The following PDE2A variants were observed in gnomAD, a reference collection of about 807,000 sequenced individuals.
PDE2A encodes the protein phosphodiesterase 2A, also known as cGMP-dependent 3',5'-cyclic phosphodiesterase.
PDE2A carries 53 observed loss-of-function variants against 133.6 expected under a neutral mutation model. The ratio of observed to expected loss-of-function variants is 0.40; its 90% CI spans 0.32 to 0.50. The LOEUF (loss-of-function observed/expected upper bound fraction) is 0.50. Ranked by LOEUF, PDE2A falls within the 20% of genes least tolerant of loss-of-function variation. PDE2A has a pLI of 0.73. For synonymous variants in PDE2A, 491 were observed against 490.2 expected (o/e 1.00, Z -0.02); for missense variants, 796 against 1,232.4 (o/e 0.65, Z 5.30).
chr11:72,659,765 C>T (rs1328904747), intron 1 of PDE2A, among the ~76,000 whole-genome samples: 1 of 152,126 alleles, frequency 6.6e-6, no homozygotes, highest in African/African-American at 2.4e-5. Flanking sequence ...CCACAGGGCA[C>T]ACCTGGTCAA....
chr11:72,652,326 G>A (rs1420493658), intron 1 of PDE2A, among the ~76,000 whole-genome samples: 1 of 152,136 alleles, frequency 6.6e-6, no homozygotes, highest in Non-Finnish European at 1.5e-5. Flanking sequence ...TGCCCAGGCT[G>A]ATCTGGAACT....
intron 2 of PDE2A, among the ~76,000 whole-genome samples, chr11:72,616,907 C>T (rs1591077192): frequency 6.6e-6 from 1 of 152,200 alleles, no homozygotes; most frequent in African/African-American, 2.4e-5. Flanking sequence ...CTGAGAATTC[C>T]CAGGGACCAG....
intron 2 of PDE2A, among the ~76,000 whole-genome samples, chr11:72,638,512 C>T (rs1219649271): frequency 2.0e-5 from 3 of 152,262 alleles, no homozygotes; most frequent in Admixed American, 6.5e-5. Context: ...CAGAACCAGG[C>T]GCCCCAGACT....
chr11:72,586,753 G>T (rs981598966), intron 13 of PDE2A, among the ~76,000 whole-genome samples: 1 of 152,216 alleles, frequency 6.6e-6, no homozygotes, highest in Non-Finnish European at 1.5e-5. Context: ...GCTGCATGGG[G>T]CTGGGTGGAC....
At chr11:72,589,855 C>T (rs1276692394) in intron 10 of PDE2A, 52 bp downstream of exon 10, 20 of 1,608,364 alleles carry the variant, frequency 1.2e-5, no homozygotes, top group Non-Finnish European at 1.7e-5. Context: ...CTCGGAGACC[C>T]GAGTTCCTCG....
At chr11:72,652,499 C>G (rs1450483517) in intron 1 of PDE2A, 10 of 455,392 alleles carry the variant, frequency 2.2e-5, no homozygotes, top group Non-Finnish European at 4.0e-5. Flanking sequence ...GCATGCCAGC[C>G]TCCACCCCTT....
Position 72,589,879 on chromosome 11 carries a change from C to G in PDE2A, c.831+28G>C, listed in dbSNP as rs1458888812. The G allele has an allele frequency of 3.7e-6, 6 of 1,610,114 alleles. No individual in the cohort carries two copies. The African/African-American group carries it at 8.0e-5, about 22-fold the overall frequency. The stretch of plus-strand genomic sequence containing the variant: ...CCGAGTTCCTCGCCCAGCCCCGCCC[C>G]CGCTCTACAGTGGACCTGGGCCCTC... On this transcript the variant is annotated intron_variant, in intron 10 of 30. Transcript: ENST00000334456.
At chr11:72,649,641 T>C (rs2135446532) in intron 1 of PDE2A, among the ~76,000 whole-genome samples, 1 of 152,294 alleles carries the variant, frequency 6.6e-6, no homozygotes, top group South Asian at 2.1e-4. Flanking sequence ...CTCTGCCCCA[T>C]CTGAACCCCT....
At chr11:72,617,023 AG>A (rs1857508571) in intron 2 of PDE2A, among the ~76,000 whole-genome samples, 1 of 152,234 alleles carries the variant, frequency 6.6e-6, no homozygotes, top group Non-Finnish European at 1.5e-5. Context: ...ATCTGGAGCC[AG>A]GAGACCCATG....
chr11:72,599,136 C>A, intron 4 of PDE2A: 2 of 531,078 alleles, frequency 3.8e-6, no homozygotes, highest in Non-Finnish European at 4.8e-6. Flanking sequence ...CTGGTCAGTG[C>A]GCACTGCAGC....
intron 2 of PDE2A, chr11:72,636,027 C>T (rs1049931380): frequency 3.5e-5 from 45 of 1,270,898 alleles, no homozygotes; most frequent in Non-Finnish European, 4.5e-5. Context: ...CAGTGGCAGC[C>T]CCCAGTAGAG....
intron 2 of PDE2A, among the ~76,000 whole-genome samples, chr11:72,611,911 T>C (rs995645275): frequency 2.6e-5 from 4 of 152,068 alleles, no homozygotes; most frequent in African/African-American, 9.7e-5. Flanking sequence ...ATAGCTCAAA[T>C]TGCAAAGCCC....
At position 72,586,171 on chromosome 11, in the gene PDE2A, C is replaced by G. The variant is rs201256182; in HGVS notation, c.1081G>C (p.Glu361Gln). The G allele has an allele frequency of 6.2e-7, 1 of 1,607,226 alleles. No homozygotes were observed. Among genetic ancestry groups the G allele is most frequent in the Admixed American group, 1.7e-5 (1 of 59,666 alleles). Reference protein sequence around the residue: ...NKLEGDLFTDEDEHVIQHCFH... With the variant: ...NKLEGDLFTDQDEHVIQHCFH... ...CAGTGCTGGATCACATGCTCGTCCTCGTCGGTGAACCTGGAGGAGGGGGTG... is the reference window on the plus strand; with the variant it reads ...CAGTGCTGGATCACATGCTCGTCCTGGTCGGTGAACCTGGAGGAGGGGGTG... Residue 361 changes from glutamate (E) to glutamine (Q), a missense_variant, in exon 14 of 31, where the codon GAG becomes CAG. This residue lies in a region of PDE2A where 417 missense variants were observed against 475.3 expected (regional missense o/e 0.88). Transcript: ENST00000334456.
At chr11:72,656,596 C>T (rs1854907283) in intron 1 of PDE2A, among the ~76,000 whole-genome samples, 1 of 152,116 alleles carries the variant, frequency 6.6e-6, no homozygotes, top group South Asian at 2.1e-4. Flanking sequence ...ACAGGCCAGA[C>T]ACGAGCAGAA....
At chr11:72,653,002 C>T (rs907628104) in intron 1 of PDE2A, among the ~76,000 whole-genome samples, 4 of 152,252 alleles carry the variant, frequency 2.6e-5, no homozygotes, top group Non-Finnish European at 5.9e-5. Context: ...CTCGCTCAAT[C>T]GGCAAAGGCT....
At chr11:72,646,552 C>T (rs1365912761) in intron 1 of PDE2A, among the ~76,000 whole-genome samples, 3 of 152,212 alleles carry the variant, frequency 2.0e-5, no homozygotes, top group Non-Finnish European at 4.4e-5. Context: ...CCCAGGACCC[C>T]CCAAAGCCAG....
chr11:72,596,484 TCACACACACACA>T (rs60716742), intron 6 of PDE2A, 97 bp downstream of exon 6: 4 of 192,296 alleles, frequency 2.1e-5, no homozygotes, highest in Non-Finnish European at 2.6e-5. Context: ...TCTCTCTCTC[TCACACACACACA>T]CACACACACA....
intron 4 of PDE2A, among the ~76,000 whole-genome samples, chr11:72,604,037 C>T (rs1238950588): frequency 2.0e-5 from 3 of 152,246 alleles, no homozygotes; most frequent in African/African-American, 7.2e-5. Context: ...CCCTGGACCA[C>T]CTGGCCTGCT....
At chr11:72,641,019 C>A (rs1422210914) in intron 2 of PDE2A, among the ~76,000 whole-genome samples, 2 of 152,184 alleles carry the variant, frequency 1.3e-5, no homozygotes, top group Admixed American at 6.5e-5. Flanking sequence ...ACACACCCAA[C>A]ACATGCAACC....
Sources: allele counts gnomAD v4.1 joint callset (sites outside exome capture counted in the v4.1 genomes callset), GRCh38; gene constraint gnomAD v4.1.1; regional missense constraint gnomAD v4.1.1; transcripts MANE v1.5; gene names NCBI Gene and HGNC (gene_info 2026-07-23, HGNC 2026-07-21).